The following KLF12 variants were observed in gnomAD, a reference collection of about 807,000 sequenced individuals.
KLF12 encodes KLF transcription factor 12, also known as Krueppel-like factor 12.
KLF12 carries 9 observed loss-of-function variants against 37.8 expected under a neutral mutation model. The observed-to-expected ratio is 0.24, with a 90% CI of 0.14 to 0.42. The LOEUF (loss-of-function observed/expected upper bound fraction) is 0.42. KLF12 is among the 10% of genes least tolerant of loss of function. KLF12 has a pLI of 1.00. For missense variants in KLF12, 411 were observed against 516.0 expected (o/e 0.80, Z 1.97); for synonymous variants, 208 against 202.1 (o/e 1.03, Z -0.25).
intron 3 of KLF12, among the ~76,000 whole-genome samples, chr13:73,897,157 C>T (rs954637317): frequency 3.0e-4 from 45 of 152,020 alleles, no homozygotes; most frequent in Non-Finnish European, 3.7e-4. Context: ...ATCAAATTTA[C>T]AGCATATTGA....
chr13:73,951,937 T>C (rs1394807392), intron 2 of KLF12, among the ~76,000 whole-genome samples: 1 of 152,180 alleles, frequency 6.6e-6, no homozygotes, highest in African/African-American at 2.4e-5. Flanking sequence ...ACTTACACCA[T>C]TAAGTAAATA....
intron 1 of KLF12, among the ~76,000 whole-genome samples, chr13:74,006,057 A>G (rs1892402115): frequency 6.6e-6 from 1 of 152,174 alleles, no homozygotes; most frequent in Admixed American, 6.5e-5. Flanking sequence ...TGTTTACTAT[A>G]CAACACTTTA....
intron 6 of KLF12, among the ~76,000 whole-genome samples, chr13:73,762,391 A>G (rs1349832612): frequency 2.0e-5 from 3 of 152,208 alleles, no homozygotes; most frequent in African/African-American, 7.2e-5. Context: ...AAACCATCTT[A>G]ACTCAATAAT....
chr13:73,908,142 C>A (rs1464206044), intron 3 of KLF12, among the ~76,000 whole-genome samples: 1 of 152,048 alleles, frequency 6.6e-6, no homozygotes, highest in East Asian at 1.9e-4. Flanking sequence ...GTGACTCAGG[C>A]CTGTAATCCC....
At chr13:74,128,114 C>T (rs992299785) in intron 1 of KLF12, among the ~76,000 whole-genome samples, 1 of 152,056 alleles carries the variant, frequency 6.6e-6, no homozygotes, top group Non-Finnish European at 1.5e-5. Flanking sequence ...TTTCTTTTGA[C>T]AAGCTTGGAT....
the KLF12 span, among the ~76,000 whole-genome samples, chr13:74,294,575 A>T: frequency 0.081 from 12,350 of 151,810 alleles, 656 homozygotes; most frequent in South Asian, 0.12. Flanking sequence ...CACCATGTTG[A>T]CCACCATGGT....
At chr13:74,227,332 G>A in the KLF12 span, among the ~76,000 whole-genome samples, 10 of 152,118 alleles carry the variant, frequency 6.6e-5, no homozygotes, top group Non-Finnish European at 1.5e-4. Flanking sequence ...CCTTCAATGA[G>A]TGTGTTTGTG....
chr13:74,177,698 C>T, the KLF12 span, among the ~76,000 whole-genome samples: 2,967 of 152,112 alleles, frequency 0.02, 85 homozygotes, highest in African/African-American at 0.064. Context: ...AGCCTTTGTA[C>T]GAGTTCAGGT....
At chr13:74,082,317 C>T (rs561130895) in intron 1 of KLF12, among the ~76,000 whole-genome samples, 4 of 152,210 alleles carry the variant, frequency 2.6e-5, no homozygotes, top group Non-Finnish European at 1.5e-5. Flanking sequence ...ATATCCTTTT[C>T]ACATGTAAAA....
intron 1 of KLF12, among the ~76,000 whole-genome samples, chr13:74,070,724 A>C (rs1255232649): frequency 6.6e-6 from 1 of 152,200 alleles, no homozygotes; most frequent in Non-Finnish European, 1.5e-5. Flanking sequence ...TGGCATTGTT[A>C]AGGCAGCAGG....
At chr13:74,204,605 G>A in the KLF12 span, among the ~76,000 whole-genome samples, 3 of 152,078 alleles carry the variant, frequency 2.0e-5, no homozygotes, top group Non-Finnish European at 2.9e-5. Context: ...TATTTGAGGA[G>A]GATTTATTGC....
rs139128673 is a variant in KLF12, at chr13:73,782,229, G to T, written c.807-17229C>A. Among the ~76,000 whole-genome samples the T allele has an allele frequency of 2.0e-5, 3 of 152,272 alleles. No individual in the cohort carries two copies. The South Asian group carries it at 6.2e-4, about 32-fold the overall frequency. On this transcript the variant is annotated intron_variant, in intron 5 of 7. Coordinates refer to ENST00000377669, the MANE Select transcript of KLF12 (RefSeq NM_007249.5). ...TCAGGTTTCCTATCTTCATAATGGG[G>T]ATAGTTCAAAACAATGCCTGGAGCA... is the stretch of plus-strand genomic sequence containing the variant.
chr13:74,064,705 A>G (rs1365274924), intron 1 of KLF12, among the ~76,000 whole-genome samples: 2 of 152,174 alleles, frequency 1.3e-5, no homozygotes, highest in African/African-American at 2.4e-5. Flanking sequence ...TTCACAGAGG[A>G]ATGAAATAGG....
At chr13:73,988,654 C>T (rs900289009) in intron 2 of KLF12, among the ~76,000 whole-genome samples, 3 of 152,040 alleles carry the variant, frequency 2.0e-5, no homozygotes, top group Non-Finnish European at 4.4e-5. Context: ...TTTGGAAGTC[C>T]CCAGTCAGAC....
chr13:74,060,369 T>C (rs988088055), intron 1 of KLF12, among the ~76,000 whole-genome samples: 9 of 152,204 alleles, frequency 5.9e-5, no homozygotes, highest in African/African-American at 1.9e-4. Flanking sequence ...ACTAACAATA[T>C]TGATGCTTCC....
chr13:73,956,967 A>AGGAAAGGAGGGAAAGGAGGGAAG (rs1360568421), intron 2 of KLF12, among the ~76,000 whole-genome samples: 1 of 150,306 alleles, frequency 6.7e-6, no homozygotes, highest in African/African-American at 2.5e-5. Flanking sequence ...AAAAAGGGAA[A>AGGAAAGGAGGGAAAGGAGGGAAG]GGAAAGGAGG....
chr13:74,298,330 G>A, the KLF12 span, among the ~76,000 whole-genome samples: 1 of 152,196 alleles, frequency 6.6e-6, no homozygotes, highest in Non-Finnish European at 1.5e-5. Flanking sequence ...GGATATAGAA[G>A]TAGACTGTGA....
intron 2 of KLF12, among the ~76,000 whole-genome samples, chr13:73,977,685 T>A (rs531643011): frequency 2.6e-4 from 39 of 152,310 alleles, no homozygotes; most frequent in Non-Finnish European, 5.3e-4. Context: ...AGAAGAACAA[T>A]GTTGAAGAAA....
At chr13:74,164,916 T>C in the KLF12 span, among the ~76,000 whole-genome samples, 1 of 151,548 alleles carries the variant, frequency 6.6e-6, no homozygotes, top group African/African-American at 2.4e-5. Flanking sequence ...CTGGGGAGGG[T>C]AGTGGAGAGT....
Sources: allele counts gnomAD v4.1 joint callset (sites outside exome capture counted in the v4.1 genomes callset), GRCh38; gene constraint gnomAD v4.1.1; transcripts MANE v1.5; gene names NCBI Gene and HGNC (gene_info 2026-07-23, HGNC 2026-07-21).